CRB1: variants seen among roughly 807,000 people sequenced by gnomAD.
The protein encoded by CRB1 is crumbs cell polarity complex component 1.
A neutral mutation model predicts 120.0 loss-of-function variants in CRB1; 83 were observed. The observed-to-expected ratio is 0.69, with a 90% CI of 0.58 to 0.83. The LOEUF is 0.83. Ranked by LOEUF, CRB1 falls within the 40% of genes least tolerant of loss-of-function variation. The pLI is 0.00. For synonymous variants in CRB1, 625 were observed against 612.5 expected (o/e 1.02, Z -0.30); for missense variants, 1,699 against 1,687.6 (o/e 1.01, Z -0.12).
chr1:197,329,329 T>C (rs1463520832), intron 2 of CRB1, among the ~76,000 whole-genome samples: 7 of 152,188 alleles, frequency 4.6e-5, no homozygotes, highest in Non-Finnish European at 1.0e-4. Context: ...TTCATTCCAG[T>C]TCAAGCCTGC....
intron 11 of CRB1, among the ~76,000 whole-genome samples, chr1:197,456,111 TAAC>T (rs1375617690): frequency 6.6e-6 from 1 of 152,176 alleles, no homozygotes; most frequent in Non-Finnish European, 1.5e-5. Flanking sequence ...CCTATGCTGA[TAAC>T]AACAGTTATA....
At chr1:197,298,005 G>C (rs551774787) in intron 1 of CRB1, among the ~76,000 whole-genome samples, 6 of 152,006 alleles carry the variant, frequency 3.9e-5, no homozygotes, top group African/African-American at 1.4e-4. Context: ...AGAATAGATG[G>C]TGAACATAGA....
the CRB1 span, among the ~76,000 whole-genome samples, chr1:197,214,323 A>G: frequency 1.3e-5 from 2 of 152,140 alleles, no homozygotes; most frequent in Non-Finnish European, 2.9e-5. Flanking sequence ...TTCAATATAT[A>G]CAGTCTGCCC....
intron 5 of CRB1, among the ~76,000 whole-genome samples, chr1:197,392,296 C>T (rs1487752566): frequency 2.0e-5 from 3 of 151,864 alleles, no homozygotes; most frequent in Non-Finnish European, 4.4e-5. Context: ...TAATTTCCTT[C>T]TTTAAAGTGA....
chr1:197,405,112 CCCTCTGATGCCGAG>C (rs1379502429), intron 5 of CRB1, among the ~76,000 whole-genome samples: 1 of 152,036 alleles, frequency 6.6e-6, no homozygotes, highest in African/African-American at 2.4e-5. Flanking sequence ...TCCACGGTCT[CCCTCTGATGCCGAG>C]CCGAAGCTGG....
At chr1:197,372,712 T>A (rs1359907781) in intron 5 of CRB1, among the ~76,000 whole-genome samples, 2 of 146,178 alleles carry the variant, frequency 1.4e-5, no homozygotes. Flanking sequence ...TCTGTCTCTT[T>A]AAAAAAAAAA....
At chr1:197,445,747 A>G (rs1412012899) in intron 11 of CRB1, among the ~76,000 whole-genome samples, 4 of 152,240 alleles carry the variant, frequency 2.6e-5, no homozygotes, top group African/African-American at 9.6e-5. Context: ...ATTATTACTA[A>G]TATAAACTAT....
At chr1:197,318,352 T>C (rs1657978276) in intron 1 of CRB1, among the ~76,000 whole-genome samples, 1 of 152,176 alleles carries the variant, frequency 6.6e-6, no homozygotes, top group Admixed American at 6.5e-5. Flanking sequence ...TAACAAGTGT[T>C]GGTGAGGATG....
chr1:197,406,201 A>G (rs187365203), intron 5 of CRB1, among the ~76,000 whole-genome samples: 5 of 152,356 alleles, frequency 3.3e-5, no homozygotes, highest in Non-Finnish European at 5.9e-5. Context: ...AGAAGTAGAC[A>G]TGGGAGACTT....
chr1:197,206,916 C>T, the CRB1 span, among the ~76,000 whole-genome samples: 4 of 152,108 alleles, frequency 2.6e-5, no homozygotes, highest in Non-Finnish European at 1.5e-5. Flanking sequence ...TGTAGAAGCT[C>T]CAGTATTAGG....
At chr1:197,209,243 C>T in the CRB1 span, among the ~76,000 whole-genome samples, 1 of 152,238 alleles carries the variant, frequency 6.6e-6, no homozygotes, top group Non-Finnish European at 1.5e-5. Context: ...TTTGCTCCCT[C>T]TCCCAGGTTC....
chr1:197,352,542 T>G (rs145506731), intron 4 of CRB1, among the ~76,000 whole-genome samples: 2 of 152,274 alleles, frequency 1.3e-5, no homozygotes, highest in East Asian at 3.9e-4. Flanking sequence ...AAACTATTAT[T>G]TAATGTATTT....
chr1:197,282,067 GA>G lies in CRB1; in HGVS notation c.70+13595del, dbSNP rs139819098. The stretch of plus-strand genomic sequence containing the variant: ...TAAAATATAAGCTATTCATAAAAAT[GA>G]AAAAAAAAAGAAAATCAAGTCTCTG... On this transcript the variant is annotated intron_variant, in intron 1 of 11. Coordinates refer to ENST00000367400, the MANE Select transcript of CRB1 (RefSeq NM_201253.3). Among the ~76,000 whole-genome samples the G allele has an allele frequency of 2.4e-3, 312 of 128,704 alleles. 3 individuals carry two copies. Among genetic ancestry groups the G allele is most frequent in the East Asian group, 0.01 (48 of 4,774 alleles). 84.4% of individuals were successfully genotyped at this position (128,704 alleles called of 152,430 possible). A position where few individuals can be genotyped will look rare whatever the true frequency, so the allele number is the denominator to read the frequency against.
At chr1:197,413,439 T>G (rs1190596836) in intron 5 of CRB1, among the ~76,000 whole-genome samples, 3 of 152,198 alleles carry the variant, frequency 2.0e-5, no homozygotes, top group Non-Finnish European at 4.4e-5. Flanking sequence ...GCATAGATAC[T>G]TAATAGATTT....
intron 5 of CRB1, among the ~76,000 whole-genome samples, chr1:197,392,879 C>T (rs948374928): frequency 3.9e-5 from 6 of 152,030 alleles, no homozygotes; most frequent in African/African-American, 1.4e-4. Context: ...TTTTCTGGAG[C>T]TGCCACAACA....
chr1:197,311,032 A>T (rs1468784549), intron 1 of CRB1, among the ~76,000 whole-genome samples: 1 of 152,204 alleles, frequency 6.6e-6, no homozygotes, highest in African/African-American at 2.4e-5. Context: ...TAAACTTAAA[A>T]AGCTAAGCTA....
the CRB1 span, among the ~76,000 whole-genome samples, chr1:197,242,122 A>G: frequency 6.6e-6 from 1 of 152,130 alleles, no homozygotes; most frequent in African/African-American, 2.4e-5. Flanking sequence ...ATATACAATT[A>G]TGTCATCTGC....
At chr1:197,363,572 G>T (rs1325515413) in intron 5 of CRB1, among the ~76,000 whole-genome samples, 1 of 152,100 alleles carries the variant, frequency 6.6e-6, no homozygotes, top group Non-Finnish European at 1.5e-5. Context: ...TGCTATCATT[G>T]TAAAGTGGTG....
At chr1:197,218,412 T>C in the CRB1 span, among the ~76,000 whole-genome samples, 1 of 152,194 alleles carries the variant, frequency 6.6e-6, no homozygotes, top group Non-Finnish European at 1.5e-5. Context: ...GAGATTCTCA[T>C]ATATGAGTAT....
Sources: gnomAD v4.1 joint callset for allele counts (sites outside exome capture counted in the v4.1 genomes callset) on GRCh38, gnomAD v4.1.1 for gene constraint, MANE v1.5 for transcripts, NCBI Gene and HGNC (gene_info 2026-07-23, HGNC 2026-07-21) for gene names.